The following EBF2 variants were observed in gnomAD, a reference collection of about 807,000 sequenced individuals.
EBF2 encodes transcription factor COE2.
EBF2 carries 21 observed loss-of-function variants against 72.8 expected under a neutral mutation model. The observed-to-expected ratio is 0.29, with a 90% CI of 0.20 to 0.42. The LOEUF (loss-of-function observed/expected upper bound fraction) is 0.42. Among genes scored for constraint, EBF2 ranks in the 10% least tolerant of loss-of-function variants. The pLI is 1.00. For missense variants in EBF2, 637 were observed against 731.2 expected (o/e 0.87, Z 1.49); for synonymous variants, 299 against 274.2 (o/e 1.09, Z -0.89).
chr8:26,024,729 C>A (rs1805271498), intron 6 of EBF2, among the ~76,000 whole-genome samples: 1 of 152,084 alleles, frequency 6.6e-6, no homozygotes. Context: ...TACAAAGATG[C>A]AATGTGAGAT....
chr8:25,968,209 G>A (rs1804142523), intron 6 of EBF2, among the ~76,000 whole-genome samples: 1 of 152,128 alleles, frequency 6.6e-6, no homozygotes, highest in South Asian at 2.1e-4. Context: ...AGAACTGGAA[G>A]CAGGGTTTGA....
At chr8:25,935,530 T>C (rs1301615050) in intron 6 of EBF2, among the ~76,000 whole-genome samples, 2 of 152,112 alleles carry the variant, frequency 1.3e-5, no homozygotes, top group Non-Finnish European at 2.9e-5. Flanking sequence ...TGCGCGTGGG[T>C]CAGGTTCTGC....
chr8:25,886,914 C>A (rs776501042), intron 9 of EBF2, 33 bp from the exon 10 acceptor site: 2 of 1,605,924 alleles, frequency 1.2e-6, no homozygotes, highest in South Asian at 2.2e-5. Flanking sequence ...AATAAAATAC[C>A]CATTAGACAA....
intron 7 of EBF2, among the ~76,000 whole-genome samples, chr8:25,895,143 C>G (rs1001806622): frequency 6.6e-6 from 1 of 152,178 alleles, no homozygotes; most frequent in Admixed American, 6.5e-5. Flanking sequence ...AGAGTTGATA[C>G]ATCTGTATTA....
At chr8:25,942,514 C>G (rs1803692186) in intron 6 of EBF2, among the ~76,000 whole-genome samples, 1 of 152,196 alleles carries the variant, frequency 6.6e-6, no homozygotes. Flanking sequence ...GGGGCCTATC[C>G]CCCTTATGGA....
chr8:25,853,021 C>G (rs537670641), intron 14 of EBF2, among the ~76,000 whole-genome samples: 4 of 152,168 alleles, frequency 2.6e-5, no homozygotes, highest in African/African-American at 9.6e-5. Flanking sequence ...GGAATTAATA[C>G]TTAATAAAGG....
chr8:25,877,957 C>T (rs1802550318), intron 10 of EBF2, among the ~76,000 whole-genome samples: 1 of 152,092 alleles, frequency 6.6e-6, no homozygotes, highest in South Asian at 2.1e-4. Flanking sequence ...TGGAATGGTG[C>T]CAAGCATAAT....
At chr8:25,990,268 T>C (rs1804523931) in intron 6 of EBF2, among the ~76,000 whole-genome samples, 2 of 151,888 alleles carry the variant, frequency 1.3e-5, no homozygotes, top group Non-Finnish European at 2.9e-5. Flanking sequence ...TTCCTCTGAG[T>C]TTAAAATACC....
intron 6 of EBF2, among the ~76,000 whole-genome samples, chr8:25,993,801 G>T (rs921130550): frequency 5.9e-5 from 9 of 151,892 alleles, no homozygotes. Context: ...TATGTCTTTT[G>T]GGGGGGTGGG....
intron 5 of EBF2, among the ~76,000 whole-genome samples, chr8:26,035,706 C>T (rs1319609310): frequency 1.3e-5 from 2 of 152,126 alleles, no homozygotes; most frequent in South Asian, 2.1e-4. Flanking sequence ...AAAATGGTCT[C>T]AACTTTCTTA....
intron 6 of EBF2, among the ~76,000 whole-genome samples, chr8:26,006,327 A>AT (rs1184047209): frequency 6.6e-6 from 1 of 152,244 alleles, no homozygotes; most frequent in South Asian, 2.1e-4. Context: ...CATGTGTTCT[A>AT]TTTTTTCACC....
At chr8:25,927,042 A>G (rs1258593670) in intron 6 of EBF2, among the ~76,000 whole-genome samples, 3 of 152,192 alleles carry the variant, frequency 2.0e-5, no homozygotes, top group African/African-American at 7.2e-5. Context: ...ACACTAATCT[A>G]GGTGTTACAC....
At chr8:25,992,497 G>A (rs577085739) in intron 6 of EBF2, among the ~76,000 whole-genome samples, 3 of 152,232 alleles carry the variant, frequency 2.0e-5, no homozygotes, top group East Asian at 3.9e-4. Context: ...TTGGTGGTGC[G>A]CTTGGTCAGA....
intron 6 of EBF2, among the ~76,000 whole-genome samples, chr8:26,020,239 T>A (rs1386466494): frequency 6.6e-6 from 1 of 152,186 alleles, no homozygotes; most frequent in Admixed American, 6.5e-5. Flanking sequence ...AGTGCACACC[T>A]AATGACTCTA....
At chr8:25,945,441 T>C (rs554711161) in intron 6 of EBF2, among the ~76,000 whole-genome samples, 43 of 152,168 alleles carry the variant, frequency 2.8e-4, no homozygotes, top group African/African-American at 9.9e-4. Flanking sequence ...TCTCTGGCTC[T>C]TGGCCTGAAT....
intron 5 of EBF2, 130 bp downstream of exon 5, chr8:26,039,898 C>T (rs1006477392): frequency 3.4e-6 from 3 of 871,382 alleles, no homozygotes; most frequent in Admixed American, 3.7e-5. Context: ...ACTCTGCGCC[C>T]GTCTGCCCGC....
Position 25,908,507 on chromosome 8 carries a change from T to G in EBF2, c.600A>C (p.Thr200=), listed in dbSNP as rs763733466. ...GTCTCATGTCCCTTGGGTTTCCTGC[T>G]GTTTTCAAACAATTCTGATTGCACT... ...FLKCNQNCLK[T]AGNPRDMRRF... The change falls in exon 7 of 16, where the codon ACA becomes ACC. Residue 200 remains threonine (T), a synonymous_variant. Coordinates refer to ENST00000520164, the MANE Select transcript of EBF2 (RefSeq NM_022659.4). 5.6e-6 allele frequency: 9 copies of G among 1,613,862 alleles called. No homozygotes were observed. The East Asian group carries it at 1.6e-4, about 28-fold the overall frequency.
chr8:26,012,767 G>A (rs1176771585), intron 6 of EBF2, among the ~76,000 whole-genome samples: 2 of 152,152 alleles, frequency 1.3e-5, no homozygotes, highest in African/African-American at 4.8e-5. Context: ...TGCTGTCCCT[G>A]TCTCCTTGCT....
At chr8:25,904,495 A>G (rs907293344) in intron 7 of EBF2, among the ~76,000 whole-genome samples, 9 of 152,174 alleles carry the variant, frequency 5.9e-5, no homozygotes, top group African/African-American at 2.2e-4. Context: ...GAAATTTTTC[A>G]TATTTCTATT....
Sources: gnomAD v4.1 joint callset for allele counts (sites outside exome capture counted in the v4.1 genomes callset) on GRCh38, gnomAD v4.1.1 for gene constraint, MANE v1.5 for transcripts, NCBI Gene and HGNC (gene_info 2026-07-23, HGNC 2026-07-21) for gene names.